Variants in TOGARAM1 observed in about 807,000 individuals in gnomAD.
The protein encoded by TOGARAM1 is TOG array regulator of axonemal microtubules 1.
Under a neutral mutation model 166.6 loss-of-function variants are expected in TOGARAM1, and 100 were observed. The observed-to-expected ratio is 0.60, with a 90% CI of 0.51 to 0.71. The LOEUF (loss-of-function observed/expected upper bound fraction) is 0.71, where lower values mean the gene tolerates loss of function less well. Among genes scored for constraint, TOGARAM1 ranks in the 30% least tolerant of loss-of-function variants. The pLI is 0.00. For synonymous variants in TOGARAM1, 758 were observed against 763.8 expected (o/e 0.99, Z 0.13); for missense variants, 2,029 against 2,102.7 (o/e 0.96, Z 0.69).
In TOGARAM1 at chr14:44,972,627, T is replaced by G. The variant is rs1885947205; in HGVS notation, c.2046+8160T>G. 2.0e-5 allele frequency among the ~76,000 whole-genome samples: 3 copies of G among 152,180 alleles called. No individual in the cohort carries two copies. The South Asian group carries it at 6.2e-4, about 31-fold the overall frequency. On this transcript the variant is annotated intron_variant, in intron 1 of 19. Coordinates refer to ENST00000361462, the MANE Select transcript of TOGARAM1 (RefSeq NM_001308120.2). ...GTTGCTATTATGTGAGGCCCCTCTTTATCCCTGATAACTTTTCTTGCTCTG... is the reference window on the plus strand; with the variant it reads ...GTTGCTATTATGTGAGGCCCCTCTTGATCCCTGATAACTTTTCTTGCTCTG...
chr14:45,052,557 C>A lies in TOGARAM1; in HGVS notation c.4435C>A (p.Gln1479Lys). Residue 1479 changes from glutamine (Q) to lysine (K), a missense_variant, in exon 15 of 20, where the codon CAA becomes AAA. Physicochemically the swap from Gln to Lys is moderately conservative, Grantham distance 53. Coordinates refer to ENST00000361462, the MANE Select transcript of TOGARAM1 (RefSeq NM_001308120.2). Reference sequence around the variant, plus strand: ...TAAGGACTCTGTTAGAAACTTACAGCAAAAGGTATGTGGGAAAAGTTTGTT... The same window carrying A: ...TAAGGACTCTGTTAGAAACTTACAGAAAAAGGTATGTGGGAAAAGTTTGTT... ...YIKDSVRNLQQKGLGEIPLDT... is the reference protein window; with the variant it reads ...YIKDSVRNLQKKGLGEIPLDT... 1 of 1,591,270 alleles carries A rather than the reference C, an allele frequency of 6.3e-7. No individual in the cohort carries two copies. The highest frequency in any genetic ancestry group is 8.6e-7 in the Non-Finnish European group (1 of 1,166,368).
chr14:45,048,837 C>T (rs1035162331), intron 14 of TOGARAM1, among the ~76,000 whole-genome samples: 1 of 151,768 alleles, frequency 6.6e-6, no homozygotes, highest in Non-Finnish European at 1.5e-5. Flanking sequence ...ATTAGCTGGG[C>T]GTGGTGGCGT....
At chr14:44,970,825 T>C (rs548056339) in intron 1 of TOGARAM1, among the ~76,000 whole-genome samples, 1 of 152,296 alleles carries the variant, frequency 6.6e-6, no homozygotes, top group African/African-American at 2.4e-5. Flanking sequence ...CCTGATGATG[T>C]GATGGGTTAT....
At chr14:44,980,023 A>G (rs912055300) in intron 1 of TOGARAM1, among the ~76,000 whole-genome samples, 1 of 152,192 alleles carries the variant, frequency 6.6e-6, no homozygotes, top group Non-Finnish European at 1.5e-5. Flanking sequence ...AATCTAGACT[A>G]TGGATAACCT....
At position 44,963,151 on chromosome 14, in the gene TOGARAM1, A is replaced by G. The variant is rs1885290563; in HGVS notation, c.730A>G (p.Thr244Ala). ...TALLLPILLT[T>A]EDLLLGLDLT... ...ACTACTGCTTCCCATCTTGCTTACT[A>G]CTGAGGACTTGTTGCTTGGTCTGGA... is the stretch of plus-strand genomic sequence containing the variant. The change falls in exon 1 of 20, where the codon ACT (threonine) becomes GCT (alanine). Residue 244 changes from threonine (T) to alanine (A), a missense_variant. Physicochemically the swap from Thr to Ala is moderately conservative, Grantham distance 58. This residue lies in a region of TOGARAM1 where 1,453 missense variants were observed against 1,432.2 expected (regional missense o/e 1.01). Coordinates refer to ENST00000361462, the MANE Select transcript of TOGARAM1 (RefSeq NM_001308120.2). 2 of 1,614,102 alleles carry G rather than the reference A, an allele frequency of 1.2e-6. No homozygotes were observed. Among genetic ancestry groups the G allele is most frequent in the East Asian group, 2.2e-5 (1 of 44,882 alleles).
intron 18 of TOGARAM1, among the ~76,000 whole-genome samples, chr14:45,071,285 G>GT (rs10711034): frequency 4.9e-4 from 68 of 138,164 alleles, no homozygotes; most frequent in Non-Finnish European, 7.0e-4. Flanking sequence ...GATTCAGGCA[G>GT]TTTTTTTTTT....
chr14:45,072,423 CTT>C (rs1036372401), intron 19 of TOGARAM1, among the ~76,000 whole-genome samples: 4 of 143,798 alleles, frequency 2.8e-5, no homozygotes, highest in Admixed American at 1.4e-4. Flanking sequence ...GTCTCTGGAA[CTT>C]TTTTTTTTTT....
rs764103191 is a variant in TOGARAM1 at position 45,073,373 on chromosome 14, G to C, written c.5134G>C (p.Gly1712Arg). 11 of 1,614,114 alleles carry C rather than the reference G, an allele frequency of 6.8e-6. No homozygotes were observed. The East Asian group carries it at 2.0e-4, about 29-fold the overall frequency. Residue 1712 changes from glycine (G) to arginine (R), a missense_variant, in exon 20 of 20, where the codon GGA (glycine) becomes CGA (arginine). Physicochemically the swap from Gly to Arg is moderately radical, Grantham distance 125 (BLOSUM62 -2). Coordinates refer to ENST00000361462, the MANE Select transcript of TOGARAM1 (RefSeq NM_001308120.2). ...KVLVVLWHLL[G>R]NMTNSGSLPG... ...GTTGGTTGTTTTATGGCATCTCTTA[G>C]GAAATATGACAAATAGTGGCTCTCT...
chr14:45,006,282 T>A lies in TOGARAM1; in HGVS notation c.2904+15T>A. On this transcript the variant is annotated intron_variant, in intron 5 of 19. Coordinates refer to ENST00000361462, the MANE Select transcript of TOGARAM1 (RefSeq NM_001308120.2). ...ATCAAGAAGAGGTTAGAACCAAATATTTTTAATGACTTAAAAATATTTGCA... is the reference window on the plus strand; with the variant it reads ...ATCAAGAAGAGGTTAGAACCAAATAATTTTAATGACTTAAAAATATTTGCA... The A allele has an allele frequency of 6.4e-7, 1 of 1,551,344 alleles. No homozygotes were observed.
At chr14:45,063,286 G>A (rs1179720777) in intron 16 of TOGARAM1, among the ~76,000 whole-genome samples, 1 of 151,986 alleles carries the variant, frequency 6.6e-6, no homozygotes, top group Non-Finnish European at 1.5e-5. Flanking sequence ...CAGTTCTCTT[G>A]GATGTGTAGG....
At chr14:44,989,732 G>A (rs1887029514) in intron 1 of TOGARAM1, among the ~76,000 whole-genome samples, 1 of 152,048 alleles carries the variant, frequency 6.6e-6, no homozygotes, top group Non-Finnish European at 1.5e-5. Flanking sequence ...ACATTTTCAA[G>A]TGTCTTTATA....
rs77343066 is a variant in TOGARAM1 at position 45,017,338 on chromosome 14, G to A, written c.3238+5263G>A. ...CCACTGCAAGGAAGCAACTGCTCATGAGGTTAAACACTAGGGAATTTCTGC... is the reference window on the plus strand; with the variant it reads ...CCACTGCAAGGAAGCAACTGCTCATAAGGTTAAACACTAGGGAATTTCTGC... On this transcript the variant is annotated intron_variant, in intron 7 of 19. Coordinates refer to ENST00000361462, the MANE Select transcript of TOGARAM1 (RefSeq NM_001308120.2). 1.9e-3 allele frequency among the ~76,000 whole-genome samples: 285 copies of A among 152,084 alleles called. 2 individuals are homozygous for A. The highest frequency in any genetic ancestry group is 6.5e-3 in the African/African-American group (268 of 41,482).
intron 15 of TOGARAM1, 96 bp downstream of exon 15, chr14:45,052,658 T>C: frequency 2.6e-6 from 3 of 1,146,718 alleles, no homozygotes; most frequent in Non-Finnish European, 3.6e-6. Context: ...TTTGATTATT[T>C]CTCTGTTAAT....
At chr14:44,965,197 G>A (rs1327810704) in intron 1 of TOGARAM1, among the ~76,000 whole-genome samples, 4 of 151,930 alleles carry the variant, frequency 2.6e-5, no homozygotes, top group South Asian at 2.1e-4. Flanking sequence ...TAAATATCTC[G>A]GCATATATCT....
At position 44,963,242 on chromosome 14, in the gene TOGARAM1, A is replaced by G; in HGVS notation, c.821A>G (p.Glu274Gly). The G allele has an allele frequency of 1.9e-6, 3 of 1,614,164 alleles. No homozygotes were observed. The African/African-American group carries it at 4.0e-5, about 22-fold the overall frequency. ...LGDQETEEESETAFSALQQIG... is the reference protein window; with the variant it reads ...LGDQETEEESGTAFSALQQIG... ...GATCAGGAGACAGAAGAAGAATCTG[A>G]GACAGCTTTCTCCGCACTTCAACAA... is the stretch of plus-strand genomic sequence containing the variant. Residue 274 changes from glutamate to glycine, a missense_variant, in exon 1 of 20, where the codon GAG becomes GGG. This residue lies in a region of TOGARAM1 where 1,453 missense variants were observed against 1,432.2 expected (regional missense o/e 1.01). Coordinates refer to ENST00000361462, the MANE Select transcript of TOGARAM1 (RefSeq NM_001308120.2).
intron 16 of TOGARAM1, among the ~76,000 whole-genome samples, chr14:45,065,258 T>C (rs138045081): frequency 4.4e-4 from 67 of 152,304 alleles, no homozygotes; most frequent in African/African-American, 1.5e-3. Context: ...CCTGTCACTT[T>C]GCATGACTCT....
Position 44,963,939 on chromosome 14 carries a change from T to C in TOGARAM1, c.1518T>C (p.Phe506=), listed in dbSNP as rs1409887271. Residue 506 remains phenylalanine, a synonymous_variant, in exon 1 of 20, where the codon TTT becomes TTC. Transcript: ENST00000361462. ...TGCTGACCTATCCTAGTGAGGATTT[T>C]GACTTGCCCAAACTGTCCTTTGATC... ...CSLLTYPSED[F]DLPKLSFDLA... 2.5e-6 allele frequency: 4 copies of C among 1,613,966 alleles called. No individual in the cohort carries two copies. The highest frequency in any genetic ancestry group is 2.7e-5 in the African/African-American group (2 of 74,934).
chr14:45,068,460 A>G lies in TOGARAM1; in HGVS notation c.4786A>G (p.Asn1596Asp), dbSNP rs1393309419. ...DAFKSRLHDS[N>D]SKVNLVALET... Reference sequence around the variant, plus strand: ...TTTTAAATCTCGACTTCATGATTCTAATAGTAAAGTAAATCTGGTGGCTCT... The same window carrying G: ...TTTTAAATCTCGACTTCATGATTCTGATAGTAAAGTAAATCTGGTGGCTCT... Residue 1596 changes from asparagine to aspartate, a missense_variant, in exon 18 of 20, where the codon AAT (asparagine) becomes GAT (aspartate). By Grantham distance (23) the Asn-to-Asp change is conservative. Coordinates refer to ENST00000361462, the MANE Select transcript of TOGARAM1 (RefSeq NM_001308120.2). 1 of 1,612,422 alleles carries G rather than the reference A, an allele frequency of 6.2e-7. No individual in the cohort carries two copies.
rs1372208529 is a variant in TOGARAM1, at chr14:45,059,952, G to A, written c.4559+5403G>A. Among the ~76,000 whole-genome samples the A allele has an allele frequency of 7.6e-5, 11 of 143,940 alleles. No homozygotes were observed. The East Asian group carries it at 1.5e-3, about 19-fold the overall frequency. The allele number at this position is 143,940 out of a possible 152,430, so 94.4% of individuals were successfully genotyped here. On this transcript the variant is annotated intron_variant, in intron 16 of 19. Transcript: ENST00000361462. ...TTTTGAGATGGAGTCTCGCTCTGTC[G>A]CCCAGGCTGGAGTGCAGTGGCGTGA...
Sources: gnomAD v4.1 joint callset for allele counts (sites outside exome capture counted in the v4.1 genomes callset) on GRCh38, gnomAD v4.1.1 for gene constraint, gnomAD v4.1.1 regional missense constraint, MANE v1.5 for transcripts, NCBI Gene and HGNC (gene_info 2026-07-23, HGNC 2026-07-21) for gene names.